PLEKHA7: variants seen among roughly 807,000 people sequenced by gnomAD.
PLEKHA7 encodes the protein pleckstrin homology domain-containing family A member 7.
Under a neutral mutation model 170.0 loss-of-function variants are expected in PLEKHA7, and 104 were observed. That is an observed-to-expected ratio of 0.61 (90% CI 0.52 to 0.72). The LOEUF is 0.72. Among genes scored for constraint, PLEKHA7 ranks in the 30% least tolerant of loss-of-function variants. The pLI, the probability that PLEKHA7 is intolerant of heterozygous loss-of-function variation, is 0.00. For missense variants in PLEKHA7, 1,615 were observed against 1,671.7 expected (o/e 0.97, Z 0.59); for synonymous variants, 648 against 660.8 (o/e 0.98, Z 0.30).
At chr11:16,946,374 C>T (rs908877217) in intron 3 of PLEKHA7, among the ~76,000 whole-genome samples, 4 of 152,286 alleles carry the variant, frequency 2.6e-5, no homozygotes, top group East Asian at 1.9e-4. Context: ...TCTCCCCGAA[C>T]GAACGTGTGA....
At chr11:16,900,908 C>T (rs547571821) in intron 3 of PLEKHA7, among the ~76,000 whole-genome samples, 283 of 151,150 alleles carry the variant, frequency 1.9e-3, no homozygotes, top group African/African-American at 5.9e-3. Context: ...TGCAGTGGCG[C>T]GATCTCAGCT....
intron 3 of PLEKHA7, among the ~76,000 whole-genome samples, chr11:16,977,499 T>A (rs1223724317): frequency 6.6e-6 from 1 of 152,188 alleles, no homozygotes; most frequent in Admixed American, 6.5e-5. Context: ...CCTGGTGTAT[T>A]TCTTTAGGTA....
At position 16,801,719 on chromosome 11, in the gene PLEKHA7, C is replaced by T. The variant is rs1848608227; in HGVS notation, c.2256G>A (p.Leu752=). The T allele has an allele frequency of 1.2e-6, 2 of 1,614,160 alleles. No individual in the cohort carries two copies. Among genetic ancestry groups the T allele is most frequent in the African/African-American group, 2.7e-5 (2 of 75,034 alleles). The change falls in exon 16 of 27, where the codon TTG becomes TTA. Residue 752 remains leucine (L), a synonymous_variant. Coordinates refer to ENST00000531066, the MANE Select transcript of PLEKHA7 (RefSeq NM_001329630.2). ...GGATATGGACAAGGTCCTCCTGCAG[C>T]AACTTCTGCTGGTAGGCAATCTTCT... ...HLEKIAYQQK[L]LQEDLVHIRA...
At chr11:16,811,039 G>A (rs1253438700) in intron 13 of PLEKHA7, among the ~76,000 whole-genome samples, 1 of 152,172 alleles carries the variant, frequency 6.6e-6, no homozygotes, top group African/African-American at 2.4e-5. Context: ...TTAAGCTTCT[G>A]TTGGAGTCGA....
chr11:16,942,677 G>A (rs1860772422), intron 3 of PLEKHA7, among the ~76,000 whole-genome samples: 1 of 152,242 alleles, frequency 6.6e-6, no homozygotes, highest in Admixed American at 6.5e-5. Flanking sequence ...GCTTTCATCA[G>A]TATTTCATAG....
At chr11:16,935,514 G>T (rs1232008479) in intron 3 of PLEKHA7, among the ~76,000 whole-genome samples, 2 of 152,212 alleles carry the variant, frequency 1.3e-5, no homozygotes, top group Non-Finnish European at 2.9e-5. Context: ...TCCTTTTAAA[G>T]GTAGAAACAT....
chr11:16,878,852 G>A (rs1348626363), intron 3 of PLEKHA7, among the ~76,000 whole-genome samples: 1 of 152,124 alleles, frequency 6.6e-6, no homozygotes, highest in Non-Finnish European at 1.5e-5. Context: ...CCATCAGAAG[G>A]CAGTTGGCTT....
At chr11:16,990,866 G>A (rs1197402496) in intron 3 of PLEKHA7, among the ~76,000 whole-genome samples, 6 of 152,238 alleles carry the variant, frequency 3.9e-5, no homozygotes, top group Admixed American at 2.0e-4. Flanking sequence ...ACCCTCAGGA[G>A]CATGGATGAC....
chr11:16,795,851 C>CTTTTTTTTT (rs1179377641), intron 17 of PLEKHA7, among the ~76,000 whole-genome samples: 7 of 93,078 alleles, frequency 7.5e-5, no homozygotes, highest in Admixed American at 1.6e-4. Context: ...CAGTTTTTTC[C>CTTTTTTTTT]TTTTTTTTTT....
rs1564917995 is a variant in PLEKHA7 at position 16,794,962 on chromosome 11, C to T, written c.2466G>A (p.Leu822=). 6.2e-7 allele frequency: 1 copy of T among 1,614,020 alleles called. No individual in the cohort carries two copies. Among genetic ancestry groups the T allele is most frequent in the Admixed American group, 1.7e-5 (1 of 60,022 alleles). ...TTCTGAAGTTCTCTTTATTTGCACT[C>T]AGGCCTGCAGTGACATCTTCAATTC... ...LWRIEDVTAG[L]SANKENFRIL... is the part of the protein sequence containing the mutation. Residue 822 remains leucine (L), a synonymous_variant, in exon 18 of 27, where the codon CTG becomes CTA. Transcript: ENST00000531066.
intron 13 of PLEKHA7, 31 bp from the exon 14 acceptor site, chr11:16,803,326 A>T (rs367938895): frequency 1.7e-5 from 27 of 1,591,352 alleles, no homozygotes; most frequent in African/African-American, 4.0e-5. Flanking sequence ...AAGAGATTTA[A>T]CCATGGTGTT....
At chr11:16,921,251 T>G (rs7484149) in intron 3 of PLEKHA7, among the ~76,000 whole-genome samples, 94,949 of 131,952 alleles carry the variant, frequency 0.72, 30,166 homozygotes, top group East Asian at 0.91. Context: ...CTAACAGTCA[T>G]CTCTAGACCA....
rs919040185 is a variant in PLEKHA7 at position 16,856,054 on chromosome 11, G to T, written c.306-140C>A. 5.8e-6 allele frequency: 4 copies of T among 692,332 alleles called. No homozygotes were observed. The Admixed American group carries it at 1.0e-4, about 18-fold the overall frequency. The allele number at this position is 692,332 out of a possible 1,614,324, so 42.9% of individuals were successfully genotyped here. ...ATTGTTTGGAGGCTGCCTGACTCCAGACTGCAGCCAGAAGGCCGCAATGTC... is the reference window on the plus strand; with the variant it reads ...ATTGTTTGGAGGCTGCCTGACTCCATACTGCAGCCAGAAGGCCGCAATGTC... On this transcript the variant is annotated intron_variant, in intron 4 of 26. Coordinates refer to ENST00000531066, the MANE Select transcript of PLEKHA7 (RefSeq NM_001329630.2).
At chr11:16,999,354 T>C (rs1864531140) in intron 3 of PLEKHA7, among the ~76,000 whole-genome samples, 1 of 151,940 alleles carries the variant, frequency 6.6e-6, no homozygotes, top group South Asian at 2.1e-4. Flanking sequence ...CTGCAGGATC[T>C]CTAAGTGGTC....
At chr11:16,798,817 T>C in intron 17 of PLEKHA7, among the ~76,000 whole-genome samples, 1 of 152,202 alleles carries the variant, frequency 6.6e-6, no homozygotes, top group East Asian at 1.9e-4. Context: ...CTTACACAGA[T>C]ACTTGTAAAC....
chr11:16,883,739 A>G (rs935965675), intron 3 of PLEKHA7, among the ~76,000 whole-genome samples: 2 of 152,052 alleles, frequency 1.3e-5, no homozygotes, highest in African/African-American at 4.8e-5. Context: ...GAAGGCTTAC[A>G]CTCTTCAGTA....
intron 3 of PLEKHA7, among the ~76,000 whole-genome samples, chr11:16,963,449 C>G (rs1862188320): frequency 6.6e-6 from 1 of 152,046 alleles, no homozygotes; most frequent in African/African-American, 2.4e-5. Flanking sequence ...CTTCATGATT[C>G]CAAACCATAG....
chr11:16,999,357 A>G (rs569809233), intron 3 of PLEKHA7, among the ~76,000 whole-genome samples: 1 of 151,784 alleles, frequency 6.6e-6, no homozygotes, highest in Non-Finnish European at 1.5e-5. Context: ...CAGGATCTCT[A>G]AGTGGTCACG....
chr11:16,826,612 C>A (rs763695181), intron 9 of PLEKHA7, 22 bp from the exon 10 acceptor site: 6 of 1,589,656 alleles, frequency 3.8e-6, no homozygotes, highest in Non-Finnish European at 5.1e-6. Context: ...GCAGCACATT[C>A]AGTTTGCTCC....
Sources: allele counts gnomAD v4.1 joint callset (sites outside exome capture counted in the v4.1 genomes callset), GRCh38; gene constraint gnomAD v4.1.1; transcripts MANE v1.5; gene names NCBI Gene and HGNC (gene_info 2026-07-23, HGNC 2026-07-21).